CACNA1E: variants seen among roughly 807,000 people sequenced by gnomAD.
CACNA1E encodes voltage-dependent R-type calcium channel subunit alpha-1E.
A neutral mutation model predicts 259.2 loss-of-function variants in CACNA1E; 40 were observed. That is an observed-to-expected ratio of 0.15 (90% CI 0.12 to 0.20). The LOEUF is 0.20. Ranked by LOEUF, CACNA1E falls within the 10% of genes least tolerant of loss-of-function variation. The pLI, the probability that CACNA1E is intolerant of heterozygous loss-of-function variation, is 1.00. For synonymous variants in CACNA1E, 1,104 were observed against 1,138.5 expected (o/e 0.97, Z 0.61); for missense variants, 1,874 against 3,040.1 (o/e 0.62, Z 9.02).
intron 6 of CACNA1E, among the ~76,000 whole-genome samples, chr1:181,614,194 A>ATTTTC (rs112368754): frequency 0.1 from 15,485 of 151,884 alleles, 963 homozygotes; most frequent in South Asian, 0.22. Context: ...CTACTTCGCA[A>ATTTTC]TTTTCTTTTC....
intron 18 of CACNA1E, among the ~76,000 whole-genome samples, chr1:181,726,401 G>A (rs956572195): frequency 6.6e-6 from 1 of 152,172 alleles, no homozygotes; most frequent in Non-Finnish European, 1.5e-5. Flanking sequence ...AATGAAACAG[G>A]GTCCTATGGT....
At chr1:181,605,957 T>C (rs1288862077) in intron 6 of CACNA1E, among the ~76,000 whole-genome samples, 1 of 152,134 alleles carries the variant, frequency 6.6e-6, no homozygotes, top group East Asian at 1.9e-4. Context: ...TGGATCAATC[T>C]CTTCTGCTTT....
At chr1:181,683,758 G>T (rs1251662752) in intron 7 of CACNA1E, among the ~76,000 whole-genome samples, 3 of 152,182 alleles carry the variant, frequency 2.0e-5, no homozygotes, top group Non-Finnish European at 4.4e-5. Flanking sequence ...TTGCTGCAAA[G>T]GACATGATTT....
At chr1:181,774,256 C>T (rs142221309) in intron 37 of CACNA1E, among the ~76,000 whole-genome samples, 2,228 of 152,274 alleles carry the variant, frequency 0.015, 30 homozygotes, top group Admixed American at 0.029. Flanking sequence ...ATAGGTACCC[C>T]GAAAAGTATA....
intron 2 of CACNA1E, among the ~76,000 whole-genome samples, chr1:181,433,087 G>A (rs1167187716): frequency 6.6e-6 from 1 of 152,204 alleles, no homozygotes; most frequent in East Asian, 1.9e-4. Context: ...CCTGGCTACT[G>A]TTTTGAATGG....
intron 29 of CACNA1E, among the ~76,000 whole-genome samples, chr1:181,756,592 C>T (rs781155013): frequency 4.6e-5 from 7 of 152,194 alleles, no homozygotes; most frequent in Non-Finnish European, 8.8e-5. Context: ...TTAGCAATGA[C>T]TAAGACACCA....
Position 181,499,750 on chromosome 1 carries a change from C to A in CACNA1E, c.267-10727C>A, listed in dbSNP as rs538482740. Among the ~76,000 whole-genome samples, 5 of 152,330 alleles carry A rather than the reference C, an allele frequency of 3.3e-5. No individual in the cohort carries two copies. The East Asian group carries it at 7.7e-4, about 23-fold the overall frequency. On this transcript the variant is annotated intron_variant, in intron 1 of 47. Transcript: ENST00000367573. ...ATCCAAATTTCTGGAGATAGGACCC[C>A]TGTATTCTTAATTTTGAAAAGCTTT...
intron 6 of CACNA1E, among the ~76,000 whole-genome samples, chr1:181,627,299 A>G (rs1314723052): frequency 6.6e-6 from 1 of 152,230 alleles, no homozygotes; most frequent in African/African-American, 2.4e-5. Flanking sequence ...GATGTTTCAC[A>G]GAAGGGAAAG....
intron 29 of CACNA1E, 134 bp downstream of exon 29, chr1:181,756,227 C>A: frequency 1.2e-6 from 1 of 807,104 alleles, no homozygotes; most frequent in Non-Finnish European, 1.8e-6. Flanking sequence ...GAGAAGGTGA[C>A]ACAGGCAGAA....
At chr1:181,659,759 G>A (rs1207186253) in intron 7 of CACNA1E, among the ~76,000 whole-genome samples, 2 of 152,204 alleles carry the variant, frequency 1.3e-5, no homozygotes, top group Non-Finnish European at 2.9e-5. Flanking sequence ...ATGACTCCAT[G>A]CAGTATGTGG....
Position 181,718,041 on chromosome 1 carries a change from T to G in CACNA1E, c.1526-14T>G. The stretch of plus-strand genomic sequence containing the variant: ...CCACATGTGGAACCAATGCTCTACT[T>G]TTAATACTTCCAGACTATGCAGAAT... On this transcript the variant is annotated splice_polypyrimidine_tract_variant and intron_variant, in intron 11 of 47. Coordinates refer to ENST00000367573, the MANE Select transcript of CACNA1E (RefSeq NM_001205293.3). 7.3e-7 allele frequency: 1 copy of G among 1,368,862 alleles called. No individual in the cohort carries two copies. The highest frequency in any genetic ancestry group is 1.2e-5 in the South Asian group (1 of 84,626). The allele number at this position is 1,368,862 out of a possible 1,614,324, so 84.8% of individuals were successfully genotyped here. A position where few individuals can be genotyped will look rare whatever the true frequency, so the allele number is the denominator to read the frequency against.
At chr1:181,785,596 A>G in intron 42 of CACNA1E, 117 bp from the exon 43 acceptor site, 1 of 916,814 alleles carries the variant, frequency 1.1e-6, no homozygotes, top group Non-Finnish European at 1.8e-6. Flanking sequence ...CGAAGGTTAA[A>G]ATGGTCAAAC....
At chr1:181,778,482 C>T (rs1660147142) in intron 38 of CACNA1E, among the ~76,000 whole-genome samples, 1 of 152,158 alleles carries the variant, frequency 6.6e-6, no homozygotes, top group South Asian at 2.1e-4. Flanking sequence ...ACTGAATGCA[C>T]AGAGGTGGAG....
intron 3 of CACNA1E, among the ~76,000 whole-genome samples, chr1:181,560,016 T>C (rs774571823): frequency 6.6e-6 from 1 of 152,140 alleles, no homozygotes; most frequent in East Asian, 1.9e-4. Flanking sequence ...CTCTAATGAT[T>C]ATGGAAGAGC....
chr1:181,739,690 A>G (rs1005772738), intron 25 of CACNA1E, among the ~76,000 whole-genome samples: 1 of 152,210 alleles, frequency 6.6e-6, no homozygotes, highest in African/African-American at 2.4e-5. Flanking sequence ...AATCCTAGGC[A>G]TGGTGAGGTT....
At chr1:181,340,815 T>G (rs1228593686) in intron 1 of CACNA1E, among the ~76,000 whole-genome samples, 1 of 152,206 alleles carries the variant, frequency 6.6e-6, no homozygotes, top group Non-Finnish European at 1.5e-5. Context: ...CAAATTTGGC[T>G]GATGATTTAC....
chr1:181,366,282 G>A (rs2101937428), intron 1 of CACNA1E, among the ~76,000 whole-genome samples: 1 of 152,246 alleles, frequency 6.6e-6, no homozygotes, highest in South Asian at 2.1e-4. Context: ...TGCTACAGGG[G>A]TCTGTGATGG....
chr1:181,646,061 C>T (rs1433237778), intron 6 of CACNA1E, among the ~76,000 whole-genome samples: 1 of 152,170 alleles, frequency 6.6e-6, no homozygotes, highest in East Asian at 1.9e-4. Flanking sequence ...TGTGAATTTT[C>T]CTTTCCCTAG....
chr1:181,730,641 A>ACCC (rs1558316500), intron 18 of CACNA1E, among the ~76,000 whole-genome samples: 1 of 152,184 alleles, frequency 6.6e-6, no homozygotes, highest in Non-Finnish European at 1.5e-5. Flanking sequence ...GCTGCCTCTG[A>ACCC]CCATGGACCA....
Sources: allele counts gnomAD v4.1 joint callset (sites outside exome capture counted in the v4.1 genomes callset), GRCh38; gene constraint gnomAD v4.1.1; transcripts MANE v1.5; gene names NCBI Gene and HGNC (gene_info 2026-07-23, HGNC 2026-07-21).